The following DYNLRB2 variants were observed in gnomAD, a reference collection of about 807,000 sequenced individuals.
DYNLRB2 encodes dynein light chain roadblock-type 2.
A neutral mutation model predicts 12.6 loss-of-function variants in DYNLRB2; 14 were observed. The ratio of observed to expected loss-of-function variants is 1.11; its 90% CI spans 0.73 to 1.73. DYNLRB2 has a LOEUF of 1.73. DYNLRB2 is among the 40% of genes most tolerant of loss of function. DYNLRB2 has a pLI of 0.00. For synonymous variants in DYNLRB2, 53 were observed against 37.0 expected, an observed-to-expected ratio of 1.43 and a Z score of -1.57; for missense variants, 142 against 117.7, an observed-to-expected ratio of 1.21 and a Z score of -0.95.
intron 1 of DYNLRB2, among the ~76,000 whole-genome samples, chr16:80,541,770 TAAGTA>T (rs1339997920): frequency 1.3e-5 from 2 of 151,736 alleles, no homozygotes; most frequent in African/African-American, 2.4e-5. Context: ...GTTTGGGAGA[TAAGTA>T]AAGGGAGAAA....
chr16:80,543,295 TA>T lies in DYNLRB2; in HGVS notation c.26del (p.Lys9ArgfsTer15). On this transcript the variant is annotated frameshift_variant, in exon 2 of 4. Coordinates refer to ENST00000305904, the MANE Select transcript of DYNLRB2 (RefSeq NM_130897.3). LOFTEE classifies it high-confidence loss of function. ...TTTCAGGCAGAGGTGGAGGAAACCT[TA>T]AAGAGGATCCAGAGTCATAAAGGGG... Reference protein sequence around the residue: MAEVEETLKRIQSHKGVI... With the variant: MAEVEETXKRIQSHKGVI... 6.2e-7 allele frequency: 1 copy of T among 1,613,998 alleles called. No homozygotes were observed. The highest frequency in any genetic ancestry group is 8.5e-7 in the Non-Finnish European group (1 of 1,179,914).
chr16:80,549,790 A>G, intron 3 of DYNLRB2, 139 bp downstream of exon 3: 1 of 995,346 alleles, frequency 1.0e-6, no homozygotes, highest in Non-Finnish European at 1.3e-6. Flanking sequence ...TGATGTTTGA[A>G]TGTAAAAATC....
chr16:80,550,461 T>A, intron 3 of DYNLRB2, 54 bp from the exon 4 acceptor site: 6 of 1,602,636 alleles, frequency 3.7e-6, no homozygotes, highest in Non-Finnish European at 5.1e-6. Context: ...AGTTGAAATA[T>A]TCCTTGATTA....
rs113601170 is a variant in DYNLRB2, at chr16:80,543,290, A to G, written c.18A>G (p.Glu6=). 41 of 1,613,920 alleles carry G rather than the reference A, an allele frequency of 2.5e-5. 2 individuals carry two copies. The Middle Eastern group carries it at 1.5e-3, about 58-fold the overall frequency. ...GTCTCTTTCAGGCAGAGGTGGAGGA[A>G]ACCTTAAAGAGGATCCAGAGTCATA... is the stretch of plus-strand genomic sequence containing the variant. The part of the protein sequence containing the change: MAEVE[E]TLKRIQSHKG... The change falls in exon 2 of 4, where the codon GAA becomes GAG. Residue 6 remains glutamate, a synonymous_variant. Coordinates refer to ENST00000305904, the MANE Select transcript of DYNLRB2 (RefSeq NM_130897.3).
chr16:80,550,534 C>T lies in DYNLRB2; in HGVS notation c.267C>T (p.Ile89=), dbSNP rs1323353674. ...CCATAGATAAGGAATATCTTCTGAT[C>T]GTCATTCAGAATCCATGTGAATAGA... ...MVAPDKEYLL[I]VIQNPCE is the part of the protein sequence containing the mutation. The change falls in exon 4 of 4, where the codon ATC becomes ATT. Residue 89 remains isoleucine (I), a synonymous_variant. Coordinates refer to ENST00000305904, the MANE Select transcript of DYNLRB2 (RefSeq NM_130897.3). 6 of 1,613,984 alleles carry T rather than the reference C, an allele frequency of 3.7e-6. No homozygotes were observed. The highest frequency in any genetic ancestry group is 2.7e-5 in the African/African-American group (2 of 74,910).
chr16:80,549,647 TC>T lies in DYNLRB2; in HGVS notation c.245del (p.Pro82GlnfsTer7). The T allele has an allele frequency of 6.3e-7, 1 of 1,588,784 alleles. No homozygotes were observed. Among genetic ancestry groups the T allele is most frequent in the Non-Finnish European group, 8.6e-7 (1 of 1,162,250 alleles). On this transcript the variant is annotated frameshift_variant, in exon 3 of 4. Transcript: ENST00000305904. LOFTEE classifies it high-confidence loss of function. ...RSKKHEIMVA[P>X]DKEYLLIVIQ... The stretch of plus-strand genomic sequence containing the variant: ...CAAAGAAACATGAAATCATGGTAGC[TC>T]CAGGTAATTTGGCATTTCATTTCCT...
At chr16:80,543,009 G>C (rs1438071837) in intron 1 of DYNLRB2, among the ~76,000 whole-genome samples, 2 of 152,212 alleles carry the variant, frequency 1.3e-5, no homozygotes, top group Non-Finnish European at 2.9e-5. Flanking sequence ...GATAAAAATG[G>C]AGTGAACTCC....
chr16:80,541,983 T>C (rs1265664862), intron 1 of DYNLRB2, among the ~76,000 whole-genome samples: 1 of 152,192 alleles, frequency 6.6e-6, no homozygotes, highest in East Asian at 1.9e-4. Flanking sequence ...GAGAAAGTTA[T>C]TCCTCTTCCA....
At chr16:80,548,576 G>C (rs1904626592) in intron 2 of DYNLRB2, among the ~76,000 whole-genome samples, 1 of 151,984 alleles carries the variant, frequency 6.6e-6, no homozygotes, top group Non-Finnish European at 1.5e-5. Context: ...ACAACAATTA[G>C]CCGGGCGTGG....
intron 2 of DYNLRB2, among the ~76,000 whole-genome samples, chr16:80,544,047 G>C (rs939270415): frequency 6.6e-6 from 1 of 152,190 alleles, no homozygotes. Context: ...AGAAATTCCA[G>C]AGCATTAGTT....
At chr16:80,541,351 G>A (rs533269900) in intron 1 of DYNLRB2, 3 of 984,618 alleles carry the variant, frequency 3.0e-6, no homozygotes, top group Admixed American at 6.1e-5. Flanking sequence ...GAGAGATTCA[G>A]AGGATGAAGA....
At chr16:80,543,720 T>C (rs1261767967) in intron 2 of DYNLRB2, among the ~76,000 whole-genome samples, 1 of 152,242 alleles carries the variant, frequency 6.6e-6, no homozygotes, top group Non-Finnish European at 1.5e-5. Flanking sequence ...GTTTCAACAT[T>C]ATGAACCATA....
intron 2 of DYNLRB2, among the ~76,000 whole-genome samples, chr16:80,545,750 C>T (rs9928978): frequency 0.12 from 16,718 of 138,798 alleles, 1,015 homozygotes; most frequent in Middle Eastern, 0.16. Flanking sequence ...TCACAGCAAG[C>T]TCTGCAGCTC....
rs1233833450 is a variant in DYNLRB2, at chr16:80,550,737, T to C, written c.*179T>C. 4.5e-6 allele frequency: 3 copies of C among 662,508 alleles called. No individual in the cohort carries two copies. Among genetic ancestry groups the C allele is most frequent in the African/African-American group, 3.6e-5 (2 of 55,128 alleles). The allele number at this position is 662,508 out of a possible 1,614,324, so 41.0% of individuals were successfully genotyped here. A position where few individuals can be genotyped will look rare whatever the true frequency, so the allele number is the denominator to read the frequency against. On this transcript the variant is annotated 3_prime_UTR_variant, in exon 4 of 4. Transcript: ENST00000305904. Reference sequence around the variant, plus strand: ...TTGATTATATTGTGAAGTTGTACTTTAGTGATACAATAAGTGAATTCTGGT... The same window carrying C: ...TTGATTATATTGTGAAGTTGTACTTCAGTGATACAATAAGTGAATTCTGGT...
At chr16:80,549,914 C>T (rs898245906) in intron 3 of DYNLRB2, among the ~76,000 whole-genome samples, 5 of 152,048 alleles carry the variant, frequency 3.3e-5, no homozygotes, top group African/African-American at 7.2e-5. Flanking sequence ...AGAAAATGTA[C>T]GTCTCATTTT....
At chr16:80,541,456 A>C in intron 1 of DYNLRB2, 1 of 924,066 alleles carries the variant, frequency 1.1e-6, no homozygotes, top group African/African-American at 1.8e-5. Context: ...AGACCCTTAG[A>C]GAGAAGGAAG....
upstream of DYNLRB2, chr16:80,540,820 C>G (rs746682559): frequency 5.6e-6 from 4 of 713,932 alleles, no homozygotes. Flanking sequence ...TCTTCCCTCC[C>G]GGGACCCACT....
intron 2 of DYNLRB2, among the ~76,000 whole-genome samples, chr16:80,543,700 G>A (rs1378755291): frequency 6.6e-6 from 1 of 152,150 alleles, no homozygotes; most frequent in African/African-American, 2.4e-5. Flanking sequence ...ATTGTTGGTG[G>A]GTTGTTTGCG....
intron 2 of DYNLRB2, among the ~76,000 whole-genome samples, chr16:80,548,602 A>G (rs1018030236): frequency 6.6e-6 from 1 of 151,872 alleles, no homozygotes; most frequent in African/African-American, 2.4e-5. Context: ...GGTTCCTCTA[A>G]TCTCAGCTAC....
Sources: gnomAD v4.1 joint callset for allele counts (sites outside exome capture counted in the v4.1 genomes callset) on GRCh38, gnomAD v4.1.1 for gene constraint, MANE v1.5 for transcripts, NCBI Gene and HGNC (gene_info 2026-07-23, HGNC 2026-07-21) for gene names.